Variants in KIF20B observed in about 807,000 individuals in gnomAD.
KIF20B encodes kinesin family member 20B, also known as kinesin-like protein KIF20B.
In KIF20B, 188 loss-of-function variants were observed where a neutral mutation model predicts 232.5. That is an observed-to-expected ratio of 0.81 (90% CI 0.72 to 0.91). KIF20B has a LOEUF of 0.91. KIF20B is among the 40% of genes least tolerant of loss of function. The probability of loss-of-function intolerance (pLI) is 0.00; values close to 1 mark genes in which losing one functional copy is unlikely to be tolerated. For missense variants in KIF20B, 2,154 were observed against 2,055.9 expected, an observed-to-expected ratio of 1.05 and a Z score of -0.92; for synonymous variants, 712 against 683.0, an observed-to-expected ratio of 1.04 and a Z score of -0.66.
Position 89,737,654 on chromosome 10 carries a change from C to G in KIF20B, c.2813C>G (p.Ser938Ter), listed in dbSNP as rs1245735389. 6.2e-7 allele frequency: 1 copy of G among 1,611,538 alleles called. No homozygotes were observed. Among genetic ancestry groups the G allele is most frequent in the Non-Finnish European group, 8.5e-7 (1 of 1,178,500 alleles). The part of the protein sequence containing the change: ...TLSKEVQQIQ[S>*]NYDIAIAELH... ...AGTAAAGAGGTCCAACAAATTCAGT[C>G]AAATTATGATATTGCAATTGCTGAA... The change falls in exon 20 of 33, where the codon TCA (serine) becomes TGA (stop). Residue 938 changes from serine to a stop codon, truncating the protein, a stop_gained. Coordinates refer to ENST00000371728, the MANE Select transcript of KIF20B (RefSeq NM_001284259.2). LOFTEE classifies it high-confidence loss of function.
chr10:89,747,600 G>A (rs1458617083), intron 23 of KIF20B, among the ~76,000 whole-genome samples: 3 of 151,704 alleles, frequency 2.0e-5, no homozygotes, highest in African/African-American at 2.4e-5. Context: ...CATGGATGAA[G>A]TTGGAAATCA....
rs116910696 is a variant in KIF20B, at chr10:89,737,652, G to C, written c.2811G>C (p.Gln937His). Reference protein sequence around the residue: ...LTLSKEVQQIQSNYDIAIAEL... With the variant: ...LTLSKEVQQIHSNYDIAIAEL... The stretch of plus-strand genomic sequence containing the variant: ...TAAGTAAAGAGGTCCAACAAATTCA[G>C]TCAAATTATGATATTGCAATTGCTG... The change falls in exon 20 of 33, where the codon CAG becomes CAC. Residue 937 changes from glutamine to histidine, a missense_variant. Coordinates refer to ENST00000371728, the MANE Select transcript of KIF20B (RefSeq NM_001284259.2). 4 of 1,612,108 alleles carry C rather than the reference G, an allele frequency of 2.5e-6. No homozygotes were observed. The Admixed American group carries it at 5.0e-5, about 20-fold the overall frequency.
chr10:89,762,719 A>T lies in KIF20B; in HGVS notation c.4873A>T (p.Ile1625Phe). 8.1e-6 allele frequency: 13 copies of T among 1,613,646 alleles called. No homozygotes were observed. The highest frequency in any genetic ancestry group is 1.1e-5 in the Non-Finnish European group (13 of 1,179,728). ...TCGATTTCCAAAACCTGAGTTAGAG[A>T]TTCAATTTACACCTTTACAGCCAAA... ...STRFPKPELE[I>F]QFTPLQPNKM... Residue 1625 changes from isoleucine to phenylalanine, a missense_variant, in exon 29 of 33, where the codon ATT becomes TTT. Physicochemically the swap from Ile to Phe is conservative, Grantham distance 21 (BLOSUM62 0). Transcript: ENST00000371728.
At position 89,773,994 on chromosome 10, in the gene KIF20B, G is replaced by A. The variant is rs369385370; in HGVS notation, c.5409G>A (p.Lys1803=). The change falls in exon 33 of 33, where the codon AAG becomes AAA. Residue 1803 remains lysine (K), a synonymous_variant. Transcript: ENST00000371728. ...GQVILMDQKM[K]ESDHQIIKRR... is the part of the protein sequence containing the mutation. The stretch of plus-strand genomic sequence containing the variant: ...AGATTTTAATGGACCAGAAAATGAA[G>A]GAGAGTGATCACCAGATTATCAAAC... 279 of 1,579,714 alleles carry A rather than the reference G, an allele frequency of 1.8e-4. 2 individuals carry two copies. The highest frequency in any genetic ancestry group is 2.3e-4 in the Non-Finnish European group (272 of 1,161,208).
chr10:89,742,299 G>T (rs1841816255), intron 21 of KIF20B, among the ~76,000 whole-genome samples: 1 of 152,104 alleles, frequency 6.6e-6, no homozygotes, highest in Non-Finnish European at 1.5e-5. Flanking sequence ...ACTGTCCACT[G>T]GGGATCTTGA....
intron 25 of KIF20B, among the ~76,000 whole-genome samples, chr10:89,753,313 G>A (rs1405096336): frequency 6.6e-6 from 1 of 152,040 alleles, no homozygotes; most frequent in Admixed American, 6.6e-5. Flanking sequence ...TTGGGAGATT[G>A]TCTGCCTCTA....
intron 2 of KIF20B, among the ~76,000 whole-genome samples, chr10:89,708,147 C>T (rs774117901): frequency 7.3e-5 from 11 of 151,482 alleles, no homozygotes; most frequent in Middle Eastern, 3.2e-3. Context: ...CGGCTTATGT[C>T]AAACTCAAAA....
At chr10:89,757,038 G>GTATATATATATATATA (rs1286710895) in intron 26 of KIF20B, among the ~76,000 whole-genome samples, 30 of 79,068 alleles carry the variant, frequency 3.8e-4, no homozygotes, top group African/African-American at 1.1e-3. Context: ...GTGTGTGTGT[G>GTATATATATATATATA]TGTATATATA....
At chr10:89,736,239 G>A (rs1841649013) in intron 19 of KIF20B, among the ~76,000 whole-genome samples, 1 of 152,022 alleles carries the variant, frequency 6.6e-6, no homozygotes, top group East Asian at 1.9e-4. Context: ...AAGGTTTCGA[G>A]GATCTGAGAC....
chr10:89,708,965 T>C (rs532545610), intron 2 of KIF20B, among the ~76,000 whole-genome samples: 242 of 152,296 alleles, frequency 1.6e-3, no homozygotes, highest in Middle Eastern at 3.4e-3. Flanking sequence ...ATGGAGGAAA[T>C]TGGATCTTTT....
intron 1 of KIF20B, among the ~76,000 whole-genome samples, chr10:89,703,897 C>T (rs1385872020): frequency 6.6e-6 from 1 of 151,820 alleles, no homozygotes; most frequent in Non-Finnish European, 1.5e-5. Context: ...GGACTACAGG[C>T]GCATGCCACC....
intron 29 of KIF20B, among the ~76,000 whole-genome samples, chr10:89,766,884 C>T (rs1842372860): frequency 6.6e-6 from 1 of 151,702 alleles, no homozygotes; most frequent in Non-Finnish European, 1.5e-5. Context: ...AACATTAAAA[C>T]ACTGAGTTTC....
In KIF20B at chr10:89,726,271, A is replaced by G. The variant is rs777252942; in HGVS notation, c.2002-22A>G. 52 of 1,538,208 alleles carry G rather than the reference A, an allele frequency of 3.4e-5. No homozygotes were observed. The Middle Eastern group carries it at 2.0e-3, about 60-fold the overall frequency. On this transcript the variant is annotated intron_variant, in intron 15 of 32. Transcript: ENST00000371728. ...GTGAACCCTACTGTTAATATTAGGC[A>G]TGTGGTTTTTGCTATTTTTAGGAAA...
In KIF20B at chr10:89,727,251, TC is replaced by T. The variant is rs11315506; in HGVS notation, c.2231-596del. ...AGGAGGGCATTTTCTTTTTCTGTCT[TC>T]CCCCCCCCTTTTTTTTTTAAAGACA... On this transcript the variant is annotated intron_variant, in intron 16 of 32. Transcript: ENST00000371728. 1.5e-3 allele frequency among the ~76,000 whole-genome samples: 227 copies of T among 148,996 alleles called. 2 individuals carry two copies. The highest frequency in any genetic ancestry group is 0.01 in the East Asian group (53 of 5,072).
chr10:89,767,213 T>C (rs1429638356), intron 29 of KIF20B, among the ~76,000 whole-genome samples: 3 of 151,154 alleles, frequency 2.0e-5, no homozygotes, highest in Non-Finnish European at 4.4e-5. Flanking sequence ...CTAAGTTCTG[T>C]GGTATGTGTG....
chr10:89,708,833 A>C (rs1364464780), intron 2 of KIF20B, among the ~76,000 whole-genome samples: 1 of 152,196 alleles, frequency 6.6e-6, no homozygotes, highest in East Asian at 1.9e-4. Context: ...GAATAATAGA[A>C]TATTCTAGTT....
Position 89,709,226 on chromosome 10 carries a change from A to G in KIF20B, c.207A>G (p.Thr69=). 1.9e-6 allele frequency: 3 copies of G among 1,610,844 alleles called. No homozygotes were observed. Among genetic ancestry groups the G allele is most frequent in the Non-Finnish European group, 2.5e-6 (3 of 1,177,936 alleles). Residue 69 remains threonine (T), a synonymous_variant, in exon 3 of 33, where the codon ACA becomes ACG. Coordinates refer to ENST00000371728, the MANE Select transcript of KIF20B (RefSeq NM_001284259.2). ...LQVCLRIRPF[T]QSEKELESEG... is the part of the protein sequence containing the mutation. Reference sequence around the variant, plus strand: ...TTTGTCTTCGAATAAGACCATTTACACAGTCAGAAAAAGAACTTGAGTCTG... The same window carrying G: ...TTTGTCTTCGAATAAGACCATTTACGCAGTCAGAAAAAGAACTTGAGTCTG...
chr10:89,726,599 G>C, intron 16 of KIF20B, 78 bp downstream of exon 16: 3 of 1,238,086 alleles, frequency 2.4e-6, no homozygotes, highest in Non-Finnish European at 3.2e-6. Context: ...AGAGATTTAT[G>C]TAGCTCATTT....
intron 17 of KIF20B, among the ~76,000 whole-genome samples, chr10:89,728,716 C>G (rs1432153164): frequency 1.3e-5 from 2 of 151,896 alleles, no homozygotes; most frequent in African/African-American, 4.8e-5. Flanking sequence ...GTTGGCCAGG[C>G]TGGTCTCAAA....
Sources: gnomAD v4.1 joint callset for allele counts (sites outside exome capture counted in the v4.1 genomes callset) on GRCh38, gnomAD v4.1.1 for gene constraint, MANE v1.5 for transcripts, NCBI Gene and HGNC (gene_info 2026-07-23, HGNC 2026-07-21) for gene names.